The following ASXL3 variants were observed in gnomAD, a reference collection of about 807,000 sequenced individuals.
ASXL3 encodes ASXL transcriptional regulator 3.
In ASXL3, 34 loss-of-function variants were observed where a neutral mutation model predicts 170.6. That is an observed-to-expected ratio of 0.20 (90% CI 0.15 to 0.27). The LOEUF (loss-of-function observed/expected upper bound fraction) is 0.27, where lower values mean the gene tolerates loss of function less well. Among genes scored for constraint, ASXL3 ranks in the 10% least tolerant of loss-of-function variants. The pLI, the probability that ASXL3 is intolerant of heterozygous loss-of-function variation, is 1.00. For synonymous variants in ASXL3, 1,002 were observed against 989.1 expected (o/e 1.01, Z -0.24); for missense variants, 2,592 against 2,695.3 (o/e 0.96, Z 0.85).
chr18:33,693,911 T>C (rs895071437), intron 8 of ASXL3, among the ~76,000 whole-genome samples: 1 of 151,980 alleles, frequency 6.6e-6, no homozygotes, highest in Non-Finnish European at 1.5e-5. Context: ...GAAAGTAAGG[T>C]TGGAGGAGCT....
At chr18:33,741,513 T>C (rs573344993) in intron 11 of ASXL3, among the ~76,000 whole-genome samples, 1 of 152,308 alleles carries the variant, frequency 6.6e-6, no homozygotes, top group South Asian at 2.1e-4. Flanking sequence ...TTAAGTTTAT[T>C]TAAAATATGT....
At chr18:33,641,174 G>A (rs1157915759) in intron 2 of ASXL3, among the ~76,000 whole-genome samples, 1 of 151,874 alleles carries the variant, frequency 6.6e-6, no homozygotes, top group African/African-American at 2.4e-5. Context: ...ATTCACTGTC[G>A]GTAAAATTGT....
At position 33,738,524 on chromosome 18, in the gene ASXL3, A is replaced by G. The variant is rs1466166910; in HGVS notation, c.1120A>G (p.Thr374Ala). The change falls in exon 11 of 12, where the codon ACT (threonine) becomes GCT (alanine). Residue 374 changes from threonine (T) to alanine (A), a missense_variant. Thr to Ala is a moderately conservative substitution (Grantham distance 58). Transcript: ENST00000269197. ...MSREESVKLT[T>A]GPNNAGAQSS... The stretch of plus-strand genomic sequence containing the variant: ...AAGAGAGGAATCTGTGAAGCTCACT[A>G]CTGGACCAAACAACGCTGGAGCTCA... 2 of 1,613,498 alleles carry G rather than the reference A, an allele frequency of 1.2e-6. No homozygotes were observed. The highest frequency in any genetic ancestry group is 1.7e-6 in the Non-Finnish European group (2 of 1,179,746).
At chr18:33,674,270 G>A (rs1171991108) in intron 7 of ASXL3, among the ~76,000 whole-genome samples, 1 of 152,162 alleles carries the variant, frequency 6.6e-6, no homozygotes, top group Non-Finnish European at 1.5e-5. Context: ...AAATGACATG[G>A]TGAGACTACC....
At chr18:33,709,798 A>G (rs1336504880) in intron 8 of ASXL3, among the ~76,000 whole-genome samples, 3 of 152,168 alleles carry the variant, frequency 2.0e-5, no homozygotes, top group African/African-American at 7.2e-5. Context: ...GAAAATGACT[A>G]TTCTTCCGCC....
At chr18:33,622,263 T>C (rs1450823234) in intron 2 of ASXL3, among the ~76,000 whole-genome samples, 1 of 152,172 alleles carries the variant, frequency 6.6e-6, no homozygotes, top group Non-Finnish European at 1.5e-5. Flanking sequence ...TGTTGTCTTA[T>C]TCATCACATA....
At chr18:33,581,452 A>G (rs1048561460) in intron 1 of ASXL3, among the ~76,000 whole-genome samples, 4 of 146,984 alleles carry the variant, frequency 2.7e-5, no homozygotes, top group African/African-American at 7.8e-5. Context: ...TATGTTATAT[A>G]TATCTTTCTT....
chr18:33,609,115 C>A (rs190675309), intron 2 of ASXL3: 1 of 949,776 alleles, frequency 1.1e-6, no homozygotes, highest in Non-Finnish European at 1.3e-6. Context: ...TAAAGGAGAT[C>A]CTATTTTAAC....
At position 33,743,859 on chromosome 18, in the gene ASXL3, G is replaced by C. The variant is rs201161279; in HGVS notation, c.4011G>C (p.Gln1337His). Reference protein sequence around the residue: ...SSSASNLVSTQYTSVPTPSIG... With the variant: ...SSSASNLVSTHYTSVPTPSIG... Reference sequence around the variant, plus strand: ...GTGCTAGTAACTTAGTCTCCACTCAGTACACCTCTGTGCCAACTCCCTCCA... The same window carrying C: ...GTGCTAGTAACTTAGTCTCCACTCACTACACCTCTGTGCCAACTCCCTCCA... The change falls in exon 12 of 12, where the codon CAG (glutamine) becomes CAC (histidine). Residue 1337 changes from glutamine (Q) to histidine (H), a missense_variant. Around this residue, in one of 4 missense-constraint regions of ASXL3, gnomAD observed 2,246 missense variants for 2,219.6 expected, o/e 1.01. Coordinates refer to ENST00000269197, the MANE Select transcript of ASXL3 (RefSeq NM_030632.3). The C allele has an allele frequency of 6.2e-7, 1 of 1,613,998 alleles. No individual in the cohort carries two copies. The highest frequency in any genetic ancestry group is 2.2e-5 in the East Asian group (1 of 44,876).
chr18:33,701,443 T>C (rs1271857829), intron 8 of ASXL3, among the ~76,000 whole-genome samples: 1 of 152,152 alleles, frequency 6.6e-6, no homozygotes, highest in Non-Finnish European at 1.5e-5. Context: ...GAATTTCCAC[T>C]TATTTAGATC....
At chr18:33,686,898 G>A (rs2066606118) in intron 8 of ASXL3, among the ~76,000 whole-genome samples, 4 of 152,190 alleles carry the variant, frequency 2.6e-5, no homozygotes, top group Admixed American at 2.6e-4. Context: ...TTGGGAGCAG[G>A]TATCTCTGTG....
chr18:33,635,067 G>A (rs772095700), intron 2 of ASXL3, among the ~76,000 whole-genome samples: 28 of 152,142 alleles, frequency 1.8e-4, no homozygotes, highest in Non-Finnish European at 2.2e-4. Flanking sequence ...GAGAGCAGTG[G>A]GCATTGAGGA....
At chr18:33,618,380 C>T (rs1192018652) in intron 2 of ASXL3, among the ~76,000 whole-genome samples, 2 of 151,820 alleles carry the variant, frequency 1.3e-5, no homozygotes, top group Non-Finnish European at 2.9e-5. Flanking sequence ...GTAATCATCT[C>T]CTGGGCCTGT....
chr18:33,627,665 G>A (rs2065622249), intron 2 of ASXL3, among the ~76,000 whole-genome samples: 1 of 152,008 alleles, frequency 6.6e-6, no homozygotes, highest in Non-Finnish European at 1.5e-5. Context: ...TATCTTCACT[G>A]AAAGCACTTC....
intron 8 of ASXL3, among the ~76,000 whole-genome samples, chr18:33,696,211 T>G (rs370011781): frequency 6.6e-6 from 1 of 151,846 alleles, no homozygotes; most frequent in East Asian, 1.9e-4. Context: ...TATTATACCC[T>G]ATTAAAAAAA....
At chr18:33,705,858 A>G (rs1328363048) in intron 8 of ASXL3, among the ~76,000 whole-genome samples, 2 of 151,906 alleles carry the variant, frequency 1.3e-5, no homozygotes, top group Non-Finnish European at 2.9e-5. Context: ...GATTTTTTAA[A>G]AAGAGAGAAC....
chr18:33,623,783 C>A (rs373918005), intron 2 of ASXL3, among the ~76,000 whole-genome samples: 2 of 151,978 alleles, frequency 1.3e-5, no homozygotes, highest in East Asian at 1.9e-4. Flanking sequence ...AGTTAGTGTT[C>A]TTTATTCAGA....
At chr18:33,740,716 G>A (rs532784121) in intron 11 of ASXL3, among the ~76,000 whole-genome samples, 191 of 152,228 alleles carry the variant, frequency 1.3e-3, no homozygotes, top group African/African-American at 4.2e-3. Context: ...GAGACACCTG[G>A]GTTTATGGGG....
In ASXL3 at chr18:33,746,320, C is replaced by T. The variant is rs2067792542; in HGVS notation, c.6472C>T (p.His2158Tyr). The change falls in exon 12 of 12, where the codon CAC becomes TAC. Residue 2158 changes from histidine to tyrosine, a missense_variant. Physicochemically the swap from His to Tyr is moderately conservative, Grantham distance 83 (BLOSUM62 2). Coordinates refer to ENST00000269197, the MANE Select transcript of ASXL3 (RefSeq NM_030632.3). ...QQLCGNYPTI[H>Y]FGSTSFKRAA... ...GCTCTGTGGAAATTATCCAACAATA[C>T]ACTTTGGTAGCACGAGTTTCAAAAG... is the stretch of plus-strand genomic sequence containing the variant. 3.7e-6 allele frequency: 6 copies of T among 1,613,896 alleles called. No individual in the cohort carries two copies. Among genetic ancestry groups the T allele is most frequent in the Admixed American group, 1.7e-5 (1 of 60,006 alleles).
Sources: gnomAD v4.1 joint callset for allele counts (sites outside exome capture counted in the v4.1 genomes callset) on GRCh38, gnomAD v4.1.1 for gene constraint, gnomAD v4.1.1 regional missense constraint, MANE v1.5 for transcripts, NCBI Gene and HGNC (gene_info 2026-07-23, HGNC 2026-07-21) for gene names.